Variants in TRPM3 observed in about 807,000 individuals in gnomAD.
The protein encoded by TRPM3 is long transient receptor potential channel 3.
Under a neutral mutation model 181.2 loss-of-function variants are expected in TRPM3, and 77 were observed. The observed-to-expected ratio is 0.42, with a 90% CI of 0.35 to 0.51. The LOEUF (loss-of-function observed/expected upper bound fraction) is 0.51. TRPM3 is among the 20% of genes least tolerant of loss of function. The pLI is 0.01. For synonymous variants in TRPM3, 745 were observed against 796.4 expected, an observed-to-expected ratio of 0.94 and a Z score of 1.09; for missense variants, 1,759 against 2,196.7, an observed-to-expected ratio of 0.80 and a Z score of 3.98.
intron 7 of TRPM3, among the ~76,000 whole-genome samples, chr9:70,764,417 C>T (rs1448943867): frequency 6.6e-6 from 1 of 152,176 alleles, no homozygotes. Context: ...TTGTTTTCTA[C>T]TACCAACCAT....
chr9:71,093,116 C>A (rs1050781157), intron 1 of TRPM3, among the ~76,000 whole-genome samples: 3 of 151,910 alleles, frequency 2.0e-5, no homozygotes, highest in African/African-American at 7.3e-5. Context: ...ATGTAAAACC[C>A]AAAACCATAA....
chr9:70,850,858 T>C (rs1286189488), intron 3 of TRPM3, among the ~76,000 whole-genome samples: 4 of 152,244 alleles, frequency 2.6e-5, no homozygotes, highest in African/African-American at 9.6e-5. Flanking sequence ...ACTGTTCTCT[T>C]ATTTATCAAC....
intron 1 of TRPM3, among the ~76,000 whole-genome samples, chr9:71,109,781 G>C (rs747948520): frequency 1.3e-5 from 2 of 152,072 alleles, no homozygotes; most frequent in Non-Finnish European, 2.9e-5. Context: ...TTTGGAATTA[G>C]AAAAGTCCTT....
intron 6 of TRPM3, among the ~76,000 whole-genome samples, chr9:70,816,133 G>T (rs1036686623): frequency 6.6e-6 from 1 of 152,104 alleles, no homozygotes; most frequent in African/African-American, 2.4e-5. Context: ...AACTAGAGTT[G>T]GATTCTCTGT....
intron 9 of TRPM3, among the ~76,000 whole-genome samples, chr9:70,641,843 C>A (rs1161594669): frequency 1.3e-5 from 2 of 152,186 alleles, no homozygotes; most frequent in Admixed American, 1.3e-4. Flanking sequence ...GTAACGAAAG[C>A]AACATTAGGC....
At chr9:71,295,516 A>G (rs1035013182) in intron 1 of TRPM3, among the ~76,000 whole-genome samples, 1 of 151,736 alleles carries the variant, frequency 6.6e-6, no homozygotes. Flanking sequence ...TAAAGTATGA[A>G]CATGTATCTA....
chr9:70,615,912 A>C lies in TRPM3; in HGVS notation c.2522T>G (p.Leu841Arg), dbSNP rs771834768. The change falls in exon 18 of 26, where the codon CTC (leucine) becomes CGC (arginine). Residue 841 changes from leucine to arginine, a missense_variant. By Grantham distance (102) the Leu-to-Arg change is moderately radical. Coordinates refer to ENST00000677713, the MANE Select transcript of TRPM3 (RefSeq NM_001366145.2). ...AACTGTGCAATGTTTTCTTACTGTG[A>C]GCTCCATGTCCTCTTCCTCTTTTTC... ...TKEKEEEDME[L>R]TAMLGRNNGE... 1 of 1,597,332 alleles carries C rather than the reference A, an allele frequency of 6.3e-7. No individual in the cohort carries two copies. The highest frequency in any genetic ancestry group is 1.8e-5 in the Admixed American group (1 of 55,378).
chr9:71,275,507 T>C (rs1040083776), intron 1 of TRPM3, among the ~76,000 whole-genome samples: 1 of 152,106 alleles, frequency 6.6e-6, no homozygotes, highest in African/African-American at 2.4e-5. Context: ...TGTGTGCACA[T>C]GTATGTGTGC....
rs1183002474 is a variant in TRPM3, at chr9:70,784,267, C to A, written c.986G>T (p.Gly329Val). 6.3e-7 allele frequency: 1 copy of A among 1,593,574 alleles called. No homozygotes were observed. The highest frequency in any genetic ancestry group is 1.1e-5 in the South Asian group (1 of 88,530). The change falls in exon 7 of 26, where the codon GGT becomes GTT. Residue 329 changes from glycine (G) to valine (V), a missense_variant. Around this residue, in one of 8 missense-constraint regions of TRPM3, gnomAD observed 737 missense variants for 957.4 expected, o/e 0.77. Coordinates refer to ENST00000677713, the MANE Select transcript of TRPM3 (RefSeq NM_001366145.2). ...CACTATGAGTGCCACCACAGGAACA[C>A]CTTGACCGATTCCTGCATTAAAAAA... ...LQKINTRIGQ[G>V]VPVVALIVEG...
At chr9:71,320,224 A>C (rs1035806741) in intron 1 of TRPM3, among the ~76,000 whole-genome samples, 1 of 152,076 alleles carries the variant, frequency 6.6e-6, no homozygotes, top group African/African-American at 2.4e-5. Flanking sequence ...AAAGTGTGAA[A>C]GGTATATTAA....
intron 1 of TRPM3, among the ~76,000 whole-genome samples, chr9:71,368,759 A>G (rs2092419679): frequency 6.6e-6 from 1 of 152,248 alleles, no homozygotes; most frequent in Non-Finnish European, 1.5e-5. Flanking sequence ...TTTATGATCT[A>G]TAACAAAACG....
chr9:70,967,018 A>G (rs1215634205), intron 1 of TRPM3, among the ~76,000 whole-genome samples: 1 of 111,166 alleles, frequency 9.0e-6, no homozygotes, highest in East Asian at 2.3e-4. Context: ...TAACAAAGCA[A>G]AAACAAAACA....
intron 8 of TRPM3, among the ~76,000 whole-genome samples, chr9:70,693,149 C>T (rs1397773872): frequency 2.6e-5 from 4 of 152,284 alleles, no homozygotes; most frequent in Non-Finnish European, 4.4e-5. Flanking sequence ...GACAACGTGT[C>T]GTCTACTCTT....
At chr9:71,350,004 G>GATAT (rs1565487893) in intron 1 of TRPM3, among the ~76,000 whole-genome samples, 9 of 2,860 alleles carry the variant, frequency 3.1e-3, no homozygotes, top group African/African-American at 5.5e-3. Context: ...TATATATATG[G>GATAT]GCCTAAAAAA....
At chr9:70,988,438 C>T (rs2097443207) in intron 1 of TRPM3, among the ~76,000 whole-genome samples, 3 of 152,154 alleles carry the variant, frequency 2.0e-5, no homozygotes, top group South Asian at 4.1e-4. Context: ...AACAGCAATT[C>T]GTCTAGAATA....
chr9:70,907,120 A>G (rs1212715276), intron 1 of TRPM3, among the ~76,000 whole-genome samples: 2 of 152,194 alleles, frequency 1.3e-5, no homozygotes, highest in Non-Finnish European at 2.9e-5. Context: ...TATGTATGTT[A>G]TCCACTGATT....
chr9:71,097,563 C>G (rs1433878093), intron 1 of TRPM3, among the ~76,000 whole-genome samples: 1 of 151,918 alleles, frequency 6.6e-6, no homozygotes, highest in Non-Finnish European at 1.5e-5. Flanking sequence ...CTGTATTCCT[C>G]TCTCATTGGC....
intron 6 of TRPM3, among the ~76,000 whole-genome samples, chr9:70,800,318 C>T (rs1043923419): frequency 6.6e-6 from 1 of 152,064 alleles, no homozygotes; most frequent in African/African-American, 2.4e-5. Context: ...ACCTGTCATC[C>T]CAGAGTAATT....
intron 22 of TRPM3, among the ~76,000 whole-genome samples, chr9:70,566,647 G>T (rs927886861): frequency 6.6e-6 from 1 of 152,168 alleles, no homozygotes; most frequent in Admixed American, 6.5e-5. Context: ...CTCTCTTCAT[G>T]ATTTCTATTT....
Sources: gnomAD v4.1 joint callset for allele counts (sites outside exome capture counted in the v4.1 genomes callset) on GRCh38, gnomAD v4.1.1 for gene constraint, gnomAD v4.1.1 regional missense constraint, MANE v1.5 for transcripts, NCBI Gene and HGNC (gene_info 2026-07-23, HGNC 2026-07-21) for gene names.